Variants in SHROOM4 observed in about 807,000 individuals in gnomAD.
SHROOM4 encodes protein Shroom4.
In SHROOM4, 17 loss-of-function variants were observed where a neutral mutation model predicts 80.3. The observed-to-expected ratio is 0.21, with a 90% CI of 0.14 to 0.32. The LOEUF (loss-of-function observed/expected upper bound fraction) is 0.32. Among genes scored for constraint, SHROOM4 ranks in the 10% least tolerant of loss-of-function variants. The pLI, the probability that SHROOM4 is intolerant of heterozygous loss-of-function variation, is 1.00. For missense variants in SHROOM4, 993 were observed against 1,140.3 expected (o/e 0.87, Z 1.86); for synonymous variants, 400 against 437.5 (o/e 0.91, Z 1.07).
intron 2 of SHROOM4, among the ~76,000 whole-genome samples, chrX:50,638,791 G>A (rs782431549): frequency 2.1e-4 from 24 of 112,932 alleles, no homozygotes; most frequent in Non-Finnish European, 3.6e-4. Flanking sequence ...TATGTTTACT[G>A]TGTGTCCTCT....
intron 6 of SHROOM4, among the ~76,000 whole-genome samples, chrX:50,603,475 T>A (rs1013445974): frequency 9.0e-6 from 1 of 110,978 alleles, no homozygotes; most frequent in Non-Finnish European, 1.9e-5. Flanking sequence ...GCCCACCACA[T>A]CTCTCATGAA....
intron 5 of SHROOM4, among the ~76,000 whole-genome samples, chrX:50,619,591 G>A (rs1360619007): frequency 8.9e-6 from 1 of 111,899 alleles, no homozygotes; most frequent in Non-Finnish European, 1.9e-5. Flanking sequence ...CTAGTCCTCA[G>A]GAGGCTGATG....
chrX:50,758,666 A>G (rs1935088244), intron 1 of SHROOM4, among the ~76,000 whole-genome samples: 1 of 112,006 alleles, frequency 8.9e-6, no homozygotes, highest in Non-Finnish European at 1.9e-5. Flanking sequence ...ATACTGGTCT[A>G]TAGTTTTCTT....
intron 1 of SHROOM4, 34 bp from the exon 2 acceptor site, chrX:50,695,971 GTGAGA>G (rs1557263028): frequency 1.3e-5 from 16 of 1,205,478 alleles, no homozygotes; most frequent in Non-Finnish European, 1.8e-5. Flanking sequence ...AAAGCAGGTA[GTGAGA>G]TGACTTTCTC....
At chrX:50,701,786 TA>T (rs1933524588) in intron 1 of SHROOM4, among the ~76,000 whole-genome samples, 1 of 111,589 alleles carries the variant, frequency 9.0e-6, no homozygotes, top group South Asian at 3.7e-4. Context: ...ACTAAAATCA[TA>T]AGGCTTTTAG....
intron 1 of SHROOM4, among the ~76,000 whole-genome samples, chrX:50,804,467 C>T (rs984846476): frequency 2.7e-5 from 3 of 112,204 alleles, no homozygotes; most frequent in African/African-American, 9.7e-5. Context: ...TCCCTCCCTC[C>T]GTCTGTCCCC....
At chrX:50,807,276 G>A (rs376786029) in intron 1 of SHROOM4, among the ~76,000 whole-genome samples, 3 of 112,316 alleles carry the variant, frequency 2.7e-5, no homozygotes, top group African/African-American at 9.7e-5. Context: ...TCCAGCAGGA[G>A]TCACTCTTGT....
chrX:50,655,460 G>A (rs1557259369), intron 2 of SHROOM4, among the ~76,000 whole-genome samples: 1 of 105,868 alleles, frequency 9.4e-6, no homozygotes, highest in Non-Finnish European at 1.9e-5. Flanking sequence ...TCTTTTTTAT[G>A]GCTGTATAGT....
chrX:50,678,837 G>A lies in SHROOM4; in HGVS notation c.269+16949C>T, dbSNP rs573222737. ...AAGGAATTCACAGTCTAATACAGGA[G>A]ATAAATAGGTCCCTCTCCCCAATTT... On this transcript the variant is annotated intron_variant, in intron 2 of 8. Transcript: ENST00000376020. Among the ~76,000 whole-genome samples, 33 of 110,521 alleles carry A rather than the reference G, an allele frequency of 3.0e-4. 1 individual carries two copies. In the South Asian group the frequency reaches 0.013, roughly 43 times the overall value.
intron 1 of SHROOM4, among the ~76,000 whole-genome samples, chrX:50,772,236 G>C (rs1935411660): frequency 8.9e-6 from 1 of 111,764 alleles, no homozygotes; most frequent in Admixed American, 9.5e-5. Flanking sequence ...TTTTGGAAAG[G>C]AGAGAAAACA....
rs192803269 is a variant in SHROOM4, at chrX:50,710,249, G to A, written c.118-14312C>T. Reference sequence around the variant, plus strand: ...TTGCAGCACTATTCACAATAGCTACGACATGGAAACCACCTAAGTGTCCAT... The same window carrying A: ...TTGCAGCACTATTCACAATAGCTACAACATGGAAACCACCTAAGTGTCCAT... On this transcript the variant is annotated intron_variant, in intron 1 of 8. Coordinates refer to ENST00000376020, the MANE Select transcript of SHROOM4 (RefSeq NM_020717.5). Among the ~76,000 whole-genome samples the A allele has an allele frequency of 3.7e-4, 41 of 111,808 alleles. 1 individual carries two copies. Among genetic ancestry groups the A allele is most frequent in the Admixed American group, 3.5e-3 (37 of 10,542 alleles).
intron 1 of SHROOM4, among the ~76,000 whole-genome samples, chrX:50,733,497 CCT>C (rs782106897): frequency 5.4e-4 from 60 of 111,485 alleles, no homozygotes; most frequent in African/African-American, 1.9e-3. Context: ...TCATGCATGC[CCT>C]CTCTTTGCCC....
intron 2 of SHROOM4, among the ~76,000 whole-genome samples, chrX:50,684,798 T>C (rs939767430): frequency 2.7e-5 from 3 of 111,809 alleles, no homozygotes; most frequent in Admixed American, 1.9e-4. Flanking sequence ...TGTGAAAAAA[T>C]TGGGTATGTC....
chrX:50,778,854 G>T lies in SHROOM4; in HGVS notation c.117+35048C>A, dbSNP rs547608477. On this transcript the variant is annotated intron_variant, in intron 1 of 8. Coordinates refer to ENST00000376020, the MANE Select transcript of SHROOM4 (RefSeq NM_020717.5). ...AGCCTGAGATCAAGAATCACTTTCC[G>T]ACACTTCCCAGCTACATGACCTTAG... 4.5e-5 allele frequency among the ~76,000 whole-genome samples: 5 copies of T among 111,390 alleles called. No individual in the cohort carries two copies. The East Asian group carries it at 1.4e-3, about 31-fold the overall frequency.
intron 1 of SHROOM4, among the ~76,000 whole-genome samples, chrX:50,724,421 T>C (rs782458139): frequency 1.8e-5 from 2 of 112,883 alleles, no homozygotes; most frequent in South Asian, 3.6e-4. Context: ...TAATTTCCTA[T>C]AACAGCAGTA....
chrX:50,707,225 C>T (rs1933700490), intron 1 of SHROOM4, among the ~76,000 whole-genome samples: 1 of 112,075 alleles, frequency 8.9e-6, no homozygotes. Context: ...TGAGTTTGCC[C>T]TGACCCAATT....
At chrX:50,664,142 G>A (rs887108426) in intron 2 of SHROOM4, among the ~76,000 whole-genome samples, 4 of 111,705 alleles carry the variant, frequency 3.6e-5, no homozygotes, top group African/African-American at 1.3e-4. Context: ...TCCCTGTCGG[G>A]TGAAGGTTAT....
chrX:50,648,611 A>C lies in SHROOM4; in HGVS notation c.270-10303T>G, dbSNP rs782647699. 2.7e-5 allele frequency among the ~76,000 whole-genome samples: 3 copies of C among 112,320 alleles called. No homozygotes were observed. The South Asian group carries it at 1.1e-3, about 42-fold the overall frequency. On this transcript the variant is annotated intron_variant, in intron 2 of 8. Coordinates refer to ENST00000376020, the MANE Select transcript of SHROOM4 (RefSeq NM_020717.5). ...AAAATGAGAGTCAAAAGAAGGAGAG[A>C]GCACTGCTGCCTGAATCAAGAATGG... is the stretch of plus-strand genomic sequence containing the variant.
intron 1 of SHROOM4, among the ~76,000 whole-genome samples, chrX:50,739,543 AAAG>A (rs1350794263): frequency 9.0e-6 from 1 of 111,692 alleles, no homozygotes; most frequent in Non-Finnish European, 1.9e-5. Flanking sequence ...ACATTTCTGA[AAAG>A]AAGACATTTA....
Sources: gnomAD v4.1 joint callset for allele counts (sites outside exome capture counted in the v4.1 genomes callset) on GRCh38, gnomAD v4.1.1 for gene constraint, MANE v1.5 for transcripts, NCBI Gene and HGNC (gene_info 2026-07-23, HGNC 2026-07-21) for gene names.